HACE1: variants seen among roughly 807,000 people sequenced by gnomAD.
HACE1 encodes HECT domain and ankyrin repeat containing E3 ubiquitin protein ligase 1.
Under a neutral mutation model 118.4 loss-of-function variants are expected in HACE1, and 73 were observed. The observed-to-expected ratio is 0.62, with a 90% confidence interval of 0.51 to 0.75. HACE1 has a LOEUF of 0.75. Ranked by LOEUF, HACE1 falls within the 30% of genes least tolerant of loss-of-function variation. The pLI, the probability that HACE1 is intolerant of heterozygous loss-of-function variation, is 0.00. For synonymous variants in HACE1, 368 were observed against 374.8 expected (o/e 0.98, Z 0.21); for missense variants, 749 against 1,102.2 (o/e 0.68, Z 4.54).
At chr6:104,759,368 T>C (rs1582697044) in intron 19 of HACE1, among the ~76,000 whole-genome samples, 1 of 152,224 alleles carries the variant, frequency 6.6e-6, no homozygotes, top group East Asian at 1.9e-4. Flanking sequence ...CACAGTGCAA[T>C]CAAATTAGAA....
At chr6:104,841,951 A>T (rs920781889) in intron 5 of HACE1, among the ~76,000 whole-genome samples, 3 of 152,190 alleles carry the variant, frequency 2.0e-5, no homozygotes, top group Non-Finnish European at 4.4e-5. Context: ...GTGATTCAAA[A>T]ATACATAAAC....
intron 11 of HACE1, 122 bp downstream of exon 11, chr6:104,791,382 G>C: frequency 4.8e-6 from 4 of 826,988 alleles, no homozygotes; most frequent in South Asian, 4.1e-5. Context: ...AATTTTGAAA[G>C]TGATATGGGT....
chr6:104,844,013 C>T (rs1268562242), intron 4 of HACE1, among the ~76,000 whole-genome samples: 3 of 150,978 alleles, frequency 2.0e-5, no homozygotes, highest in Non-Finnish European at 3.0e-5. Context: ...TGTGCCACCA[C>T]GCCAGCTAAT....
chr6:104,731,275 G>A (rs370383954), intron 22 of HACE1: 5 of 151,868 alleles, frequency 3.3e-5, no homozygotes, highest in East Asian at 3.9e-4. Flanking sequence ...ACAAAGGAAC[G>A]TTTAATGTAT....
intron 7 of HACE1, among the ~76,000 whole-genome samples, chr6:104,797,678 T>C (rs1208491073): frequency 5.3e-5 from 8 of 152,146 alleles, no homozygotes; most frequent in African/African-American, 1.9e-4. Context: ...TGAACTCTCC[T>C]ATCCATATGC....
rs1173988210 is a variant in HACE1, at chr6:104,791,814, AG to A, written c.924-161del. ...ATGATAGGAGATAGAACAGTTTAAC[AG>A]GAAGTTACATTATTTAACTTGCATA... is the stretch of plus-strand genomic sequence containing the variant. On this transcript the variant is annotated intron_variant, in intron 10 of 23. Transcript: ENST00000262903. 2.6e-5 allele frequency among the ~76,000 whole-genome samples: 4 copies of A among 152,310 alleles called. No individual in the cohort carries two copies. The East Asian group carries it at 7.7e-4, about 29-fold the overall frequency.
At chr6:104,797,551 G>A (rs544069946) in intron 7 of HACE1, among the ~76,000 whole-genome samples, 1 of 152,056 alleles carries the variant, frequency 6.6e-6, no homozygotes, top group South Asian at 2.1e-4. Context: ...GAGAATCTGG[G>A]GAAAAAGGGA....
At chr6:104,751,539 A>C (rs1176036417) in intron 19 of HACE1, among the ~76,000 whole-genome samples, 1 of 152,174 alleles carries the variant, frequency 6.6e-6, no homozygotes, top group Non-Finnish European at 1.5e-5. Flanking sequence ...CTGAGGTGGA[A>C]GCATTGCTTG....
intron 7 of HACE1, among the ~76,000 whole-genome samples, chr6:104,805,928 T>C (rs548096719): frequency 6.6e-6 from 1 of 152,102 alleles, no homozygotes; most frequent in African/African-American, 2.4e-5. Context: ...ATATGTGCTA[T>C]GAGAACAATG....
chr6:104,730,057 A>G (rs977901615), intron 23 of HACE1, among the ~76,000 whole-genome samples: 2 of 152,170 alleles, frequency 1.3e-5, no homozygotes, highest in African/African-American at 2.4e-5. Flanking sequence ...TACTTACGGT[A>G]GTGTAACTTT....
Position 104,849,228 on chromosome 6 carries a change from G to A in HACE1, c.240C>T (p.Cys80=), listed in dbSNP as rs761086584. 3.1e-6 allele frequency: 5 copies of A among 1,601,012 alleles called. No individual in the cohort carries two copies. In the African/African-American group the frequency reaches 6.7e-5, roughly 21 times the overall value. The change falls in exon 4 of 24, where the codon TGC becomes TGT. Residue 80 remains cysteine (C), a synonymous_variant. Transcript: ENST00000262903. ...CTCCTTTCTTTAACAGCAAAACCAA[G>A]CATTCCACCGATCCACAACTAAAAC... ...HIAANCGSVE[C]LVLLLKKGAN...
At chr6:104,768,791 C>G (rs1482836399) in intron 19 of HACE1, among the ~76,000 whole-genome samples, 1 of 152,046 alleles carries the variant, frequency 6.6e-6, no homozygotes, top group East Asian at 1.9e-4. Flanking sequence ...AAGTTTCAAG[C>G]TCTTTAATAT....
Position 104,848,588 on chromosome 6 carries a change from A to G in HACE1, c.326+554T>C, listed in dbSNP as rs567080941. Among the ~76,000 whole-genome samples the G allele has an allele frequency of 4.9e-4, 74 of 152,324 alleles. 1 individual carries two copies. In the South Asian group the frequency reaches 0.015, roughly 31 times the overall value. ...CTCAGACTAAATAAAAACTAATGTT[A>G]GCACTAAAAGGAGTAAACTACCCTA... is the stretch of plus-strand genomic sequence containing the variant. On this transcript the variant is annotated intron_variant, in intron 4 of 23. Coordinates refer to ENST00000262903, the MANE Select transcript of HACE1 (RefSeq NM_020771.4).
intron 17 of HACE1, among the ~76,000 whole-genome samples, chr6:104,774,668 G>A (rs1420786352): frequency 3.3e-5 from 5 of 152,146 alleles, no homozygotes; most frequent in Non-Finnish European, 7.4e-5. Flanking sequence ...ACAGGCATGA[G>A]CCACCGCGCC....
At chr6:104,818,366 G>A (rs1772331318) in intron 6 of HACE1, among the ~76,000 whole-genome samples, 1 of 151,984 alleles carries the variant, frequency 6.6e-6, no homozygotes, top group Non-Finnish European at 1.5e-5. Flanking sequence ...TAGCAACGGT[G>A]TTCACTACTG....
In HACE1 at chr6:104,795,727, C is replaced by A. The variant is rs771489172; in HGVS notation, c.817-42G>T. ...TAAAAAAATGTGATTACATAGTAATCCATTAAATCTTATCAAACAATTAAG... is the reference window on the plus strand; with the variant it reads ...TAAAAAAATGTGATTACATAGTAATACATTAAATCTTATCAAACAATTAAG... On this transcript the variant is annotated intron_variant, in intron 9 of 23. Coordinates refer to ENST00000262903, the MANE Select transcript of HACE1 (RefSeq NM_020771.4). 1.5e-5 allele frequency: 18 copies of A among 1,180,018 alleles called. 1 individual carries two copies. The South Asian group carries it at 2.0e-4, about 13-fold the overall frequency. 73.1% of individuals were successfully genotyped at this position (1,180,018 alleles called of 1,614,324 possible).
intron 7 of HACE1, 89 bp from the exon 8 acceptor site, chr6:104,797,114 A>G: frequency 1.3e-6 from 1 of 771,552 alleles, no homozygotes; most frequent in South Asian, 1.5e-5. Flanking sequence ...TCAATGGAAG[A>G]GTATCACTTT....
At chr6:104,818,127 T>C (rs1481601432) in intron 6 of HACE1, among the ~76,000 whole-genome samples, 1 of 152,198 alleles carries the variant, frequency 6.6e-6, no homozygotes, top group Non-Finnish European at 1.5e-5. Context: ...ATGAATTCTA[T>C]AATCTATGTA....
At chr6:104,820,889 A>G (rs890901055) in intron 6 of HACE1, among the ~76,000 whole-genome samples, 2 of 152,214 alleles carry the variant, frequency 1.3e-5, no homozygotes, top group African/African-American at 2.4e-5. Flanking sequence ...ACATGCACAC[A>G]TATGTTCACT....
Sources: allele counts gnomAD v4.1 joint callset (sites outside exome capture counted in the v4.1 genomes callset), GRCh38; gene constraint gnomAD v4.1.1; transcripts MANE v1.5; gene names NCBI Gene and HGNC (gene_info 2026-07-23, HGNC 2026-07-21).